RAB38: variants seen among roughly 807,000 people sequenced by gnomAD.
The protein encoded by RAB38 is ras-related protein Rab-38.
Under a neutral mutation model 18.4 loss-of-function variants are expected in RAB38, and 15 were observed. The observed-to-expected ratio is 0.82, with a 90% CI of 0.55 to 1.26. The LOEUF (loss-of-function observed/expected upper bound fraction) is 1.26. Ranked by LOEUF, RAB38 falls within the 50% of genes most tolerant of loss-of-function variation. The probability of loss-of-function intolerance (pLI) is 0.00; values close to 1 mark genes in which losing one functional copy is unlikely to be tolerated. For synonymous variants in RAB38, 101 were observed against 104.4 expected (o/e 0.97, Z 0.20); for missense variants, 294 against 267.4 (o/e 1.10, Z -0.69).
At chr11:87,810,889 G>T in the RAB38 span, among the ~76,000 whole-genome samples, 86 of 152,086 alleles carry the variant, frequency 5.7e-4, 1 homozygote, top group Admixed American at 5.6e-3. Flanking sequence ...GTCCTCAGAA[G>T]AAAGAATTCA....
chr11:88,158,268 CA>C (rs1943149218), intron 1 of RAB38, among the ~76,000 whole-genome samples: 1 of 151,930 alleles, frequency 6.6e-6, no homozygotes, highest in Non-Finnish European at 1.5e-5. Flanking sequence ...TAATGACTTC[CA>C]AAATTGAATG....
intron 1 of RAB38, among the ~76,000 whole-genome samples, chr11:88,169,777 G>C (rs781545731): frequency 1.3e-5 from 2 of 152,160 alleles, no homozygotes; most frequent in Non-Finnish European, 2.9e-5. Flanking sequence ...ACGAGGTGTG[G>C]ACAACATCTC....
At chr11:88,171,597 T>C (rs1943312315) in intron 1 of RAB38, among the ~76,000 whole-genome samples, 1 of 152,250 alleles carries the variant, frequency 6.6e-6, no homozygotes, top group Non-Finnish European at 1.5e-5. Context: ...TTTTAAATTC[T>C]AGTGGCCTAA....
chr11:88,047,651 G>A, the RAB38 span, among the ~76,000 whole-genome samples: 2 of 152,086 alleles, frequency 1.3e-5, no homozygotes, highest in African/African-American at 4.8e-5. Flanking sequence ...TAATAAAAAC[G>A]CTTCTCAAAG....
the RAB38 span, among the ~76,000 whole-genome samples, chr11:87,908,792 A>G: frequency 6.6e-6 from 1 of 151,940 alleles, no homozygotes; most frequent in South Asian, 2.1e-4. Flanking sequence ...TGAGTTTCTT[A>G]CCTTCCTGTT....
the RAB38 span, among the ~76,000 whole-genome samples, chr11:87,878,289 T>C: frequency 1.4e-5 from 2 of 142,500 alleles, 1 homozygote; most frequent in African/African-American, 5.3e-5. Context: ...TATCTATCTA[T>C]CTATCTATCT....
chr11:88,173,943 C>A (rs1484789598), intron 1 of RAB38: 1 of 985,256 alleles, frequency 1.0e-6, no homozygotes, highest in Admixed American at 6.1e-5. Flanking sequence ...AGTTTCAAGC[C>A]ATGATAAAGA....
At chr11:88,028,547 G>A in the RAB38 span, among the ~76,000 whole-genome samples, 2 of 152,184 alleles carry the variant, frequency 1.3e-5, no homozygotes, top group Non-Finnish European at 2.9e-5. Context: ...GGATAATGGA[G>A]CTGAAAGCCA....
the RAB38 span, among the ~76,000 whole-genome samples, chr11:88,074,763 C>T: frequency 6.6e-6 from 1 of 152,094 alleles, no homozygotes; most frequent in Non-Finnish European, 1.5e-5. Flanking sequence ...CACAGGATAG[C>T]TGAATGAATT....
At chr11:88,096,655 C>T in the RAB38 span, among the ~76,000 whole-genome samples, 186 of 149,310 alleles carry the variant, frequency 1.2e-3, 2 homozygotes, top group East Asian at 0.023. Flanking sequence ...ACAACAAAAA[C>T]AAAGAAAAAA....
the RAB38 span, among the ~76,000 whole-genome samples, chr11:87,943,506 C>A: frequency 2.0e-5 from 3 of 152,038 alleles, no homozygotes; most frequent in Admixed American, 2.0e-4. Flanking sequence ...TTGTGCAAAG[C>A]TATGAGAAAC....
the RAB38 span, among the ~76,000 whole-genome samples, chr11:87,962,432 TA>T: frequency 6.6e-6 from 1 of 151,832 alleles, no homozygotes; most frequent in East Asian, 1.9e-4. Context: ...AAATGGAATC[TA>T]AAAAAACTGA....
chr11:87,927,616 C>G, the RAB38 span, among the ~76,000 whole-genome samples: 1 of 151,920 alleles, frequency 6.6e-6, no homozygotes, highest in African/African-American at 2.4e-5. Context: ...CTAGTATAAC[C>G]TAGTATACTA....
At chr11:88,071,404 A>G in the RAB38 span, among the ~76,000 whole-genome samples, 1 of 152,200 alleles carries the variant, frequency 6.6e-6, no homozygotes, top group Non-Finnish European at 1.5e-5. Context: ...TGGGAGAGTG[A>G]CAGAAGCAAT....
the RAB38 span, among the ~76,000 whole-genome samples, chr11:87,826,923 A>G: frequency 6.6e-6 from 1 of 152,168 alleles, no homozygotes; most frequent in Non-Finnish European, 1.5e-5. Flanking sequence ...TGTTGACAGA[A>G]TAAATTATAT....
the RAB38 span, among the ~76,000 whole-genome samples, chr11:87,910,707 C>T: frequency 1.4e-5 from 2 of 139,252 alleles, no homozygotes; most frequent in African/African-American, 5.8e-5. Context: ...GTGGCACTAT[C>T]TCGGCTTACT....
chr11:87,877,161 C>T, the RAB38 span, among the ~76,000 whole-genome samples: 1 of 151,460 alleles, frequency 6.6e-6, no homozygotes, highest in Non-Finnish European at 1.5e-5. Context: ...AGGACCTCCT[C>T]CATGGAACCA....
chr11:87,945,337 T>G, the RAB38 span, among the ~76,000 whole-genome samples: 1 of 152,150 alleles, frequency 6.6e-6, no homozygotes, highest in African/African-American at 2.4e-5. Flanking sequence ...CTACAGAACT[T>G]TAAATCTCAC....
At chr11:87,823,683 G>C in the RAB38 span, among the ~76,000 whole-genome samples, 16 of 152,124 alleles carry the variant, frequency 1.1e-4, 1 homozygote, top group South Asian at 3.3e-3. Context: ...TCAACAAATG[G>C]AACGCAAATG....
Sources: allele counts gnomAD v4.1 joint callset (sites outside exome capture counted in the v4.1 genomes callset), GRCh38; gene constraint gnomAD v4.1.1; transcripts MANE v1.5; gene names NCBI Gene and HGNC (gene_info 2026-07-23, HGNC 2026-07-21).